Variants in CNOT4 observed in about 807,000 individuals in gnomAD.
CNOT4 encodes CCR4-associated factor 4.
CNOT4 carries 8 observed loss-of-function variants against 73.8 expected under a neutral mutation model. The ratio of observed to expected loss-of-function variants is 0.11; its 90% CI spans 0.06 to 0.20. The LOEUF is 0.20. Among genes scored for constraint, CNOT4 ranks in the 10% least tolerant of loss-of-function variants. The pLI is 1.00. For synonymous variants in CNOT4, 293 were observed against 321.1 expected (o/e 0.91, Z 0.94); for missense variants, 564 against 883.4 (o/e 0.64, Z 4.58).
At chr7:135,374,347 T>C (rs1313374100) in intron 10 of CNOT4, among the ~76,000 whole-genome samples, 2 of 151,998 alleles carry the variant, frequency 1.3e-5, no homozygotes, top group Non-Finnish European at 2.9e-5. Context: ...AGAAGTATAA[T>C]ATATATTGAA....
At chr7:135,438,110 A>C in intron 2 of CNOT4, 48 bp downstream of exon 2, 4 of 1,079,120 alleles carry the variant, frequency 3.7e-6, no homozygotes, top group Non-Finnish European at 5.6e-6. Context: ...GCAGCAAAAA[A>C]CTATACAATT....
chr7:135,379,922 C>T (rs988178894), intron 10 of CNOT4, among the ~76,000 whole-genome samples: 8 of 140,194 alleles, frequency 5.7e-5, no homozygotes, highest in African/African-American at 8.1e-5. Flanking sequence ...TTTCAGTATG[C>T]AAGTCTGATA....
intron 1 of CNOT4, chr7:135,444,831 G>T (rs566620672): frequency 6.2e-7 from 1 of 1,606,552 alleles, no homozygotes; most frequent in East Asian, 2.2e-5. Context: ...TGCCAAGGCA[G>T]GGCTTTTGGC....
In CNOT4 at chr7:135,390,989, T is replaced by C. The variant is rs932515771; in HGVS notation, c.1627+2929A>G. Among the ~76,000 whole-genome samples the C allele has an allele frequency of 4.6e-5, 7 of 152,136 alleles. No homozygotes were observed. The South Asian group carries it at 1.4e-3, about 31-fold the overall frequency. On this transcript the variant is annotated intron_variant, in intron 10 of 11. Transcript: ENST00000541284. The stretch of plus-strand genomic sequence containing the variant: ...AGTGACAGCTGCCCTGTGTAAGGTA[T>C]CATGATAACTGCTAAAAGATACAAA...
At chr7:135,398,060 G>A (rs1796793963) in intron 8 of CNOT4, 109 bp downstream of exon 8, 2 of 693,638 alleles carry the variant, frequency 2.9e-6, no homozygotes, top group Non-Finnish European at 5.2e-6. Flanking sequence ...AGCATCAAAA[G>A]TGTTTTTAAA....
chr7:135,494,286 A>G (rs918890226), intron 1 of CNOT4, among the ~76,000 whole-genome samples: 12 of 151,990 alleles, frequency 7.9e-5, no homozygotes, highest in Admixed American at 5.9e-4. Context: ...CCTGGCCAAC[A>G]TGGTGAAACC....
intron 1 of CNOT4, among the ~76,000 whole-genome samples, chr7:135,475,018 TA>T (rs1801903256): frequency 1.3e-5 from 2 of 152,196 alleles, no homozygotes; most frequent in Non-Finnish European, 2.9e-5. Context: ...ACAGTCAATT[TA>T]AATGAGCTAG....
At chr7:135,415,857 T>C (rs985786812) in intron 3 of CNOT4, among the ~76,000 whole-genome samples, 4 of 152,136 alleles carry the variant, frequency 2.6e-5, no homozygotes, top group African/African-American at 9.6e-5. Flanking sequence ...ATCTGTCTCA[T>C]GAGGCTTTTT....
At chr7:135,461,602 C>T (rs1800879070) in intron 1 of CNOT4, among the ~76,000 whole-genome samples, 1 of 152,060 alleles carries the variant, frequency 6.6e-6, no homozygotes, top group Non-Finnish European at 1.5e-5. Context: ...GAGGCCGAGG[C>T]AGGTGGATTA....
chr7:135,394,523 A>C, intron 9 of CNOT4, 108 bp from the exon 10 acceptor site: 1 of 928,956 alleles, frequency 1.1e-6, no homozygotes, highest in Non-Finnish European at 1.7e-6. Context: ...AAATTAAGTA[A>C]GTGCAAAATC....
intron 1 of CNOT4, among the ~76,000 whole-genome samples, chr7:135,468,665 G>A (rs1329008174): frequency 7.2e-6 from 1 of 139,812 alleles, no homozygotes. Flanking sequence ...TAGCCTGGGT[G>A]ACGAGCAAGA....
chr7:135,477,831 C>A (rs958365493), intron 1 of CNOT4, among the ~76,000 whole-genome samples: 4 of 151,988 alleles, frequency 2.6e-5, no homozygotes, highest in Non-Finnish European at 5.9e-5. Flanking sequence ...TGGAAATTAC[C>A]AAATTTACAT....
intron 1 of CNOT4, among the ~76,000 whole-genome samples, chr7:135,468,945 AGAGACTGTAATG>A (rs1358981884): frequency 3.9e-5 from 6 of 152,178 alleles, no homozygotes; most frequent in African/African-American, 1.4e-4. Context: ...TCCAACCTTT[AGAGACTGTAATG>A]GAGAAAGAAG....
At chr7:135,387,513 C>T in intron 10 of CNOT4, 1 of 975,096 alleles carries the variant, frequency 1.0e-6, no homozygotes, top group Non-Finnish European at 1.2e-6. Flanking sequence ...TATTTTCAAT[C>T]TCTAGGCTTC....
At chr7:135,409,603 A>G (rs1226672103) in intron 7 of CNOT4, among the ~76,000 whole-genome samples, 1 of 152,166 alleles carries the variant, frequency 6.6e-6, no homozygotes, top group Non-Finnish European at 1.5e-5. Flanking sequence ...TTCTTACATC[A>G]TTTTAGCACC....
chr7:135,409,011 A>C (rs1229086799), intron 7 of CNOT4, among the ~76,000 whole-genome samples: 2 of 152,218 alleles, frequency 1.3e-5, no homozygotes, highest in East Asian at 3.8e-4. Context: ...AACAAATGTT[A>C]TCTCAAAGAG....
At chr7:135,500,523 A>AT (rs1442246124) in intron 1 of CNOT4, among the ~76,000 whole-genome samples, 3 of 152,218 alleles carry the variant, frequency 2.0e-5, no homozygotes, top group Non-Finnish European at 4.4e-5. Context: ...CAACCAAAAC[A>AT]TATACGGCTG....
At chr7:135,460,711 T>C (rs1198181030) in intron 1 of CNOT4, among the ~76,000 whole-genome samples, 3 of 152,126 alleles carry the variant, frequency 2.0e-5, no homozygotes, top group East Asian at 1.9e-4. Context: ...AAGTATATGC[T>C]GTTGAAAAAT....
In CNOT4 at chr7:135,384,797, T is replaced by C; in HGVS notation, c.1627+9121A>G. The C allele has an allele frequency of 2.0e-5, 15 of 746,696 alleles. No homozygotes were observed. In the South Asian group the frequency reaches 2.1e-4, roughly 10 times the overall value. 46.3% of individuals were successfully genotyped at this position (746,696 alleles called of 1,614,324 possible). A position where few individuals can be genotyped will look rare whatever the true frequency, so the allele number is the denominator to read the frequency against. ...AATGCCTTCTAAGATCTACCACCCA[T>C]CTAGTTAGCATCTTGTTTGTCTCTT... On this transcript the variant is annotated intron_variant, in intron 10 of 11. Transcript: ENST00000541284.
Sources: allele counts gnomAD v4.1 joint callset (sites outside exome capture counted in the v4.1 genomes callset), GRCh38; gene constraint gnomAD v4.1.1; transcripts MANE v1.5; gene names NCBI Gene and HGNC (gene_info 2026-07-23, HGNC 2026-07-21).